COL26A1: variants seen among roughly 807,000 people sequenced by gnomAD.
COL26A1 encodes collagen alpha-1(XXVI) chain.
In COL26A1, 41 loss-of-function variants were observed where a neutral mutation model predicts 59.3. The ratio of observed to expected loss-of-function variants is 0.69; its 90% CI spans 0.54 to 0.90. COL26A1 has a LOEUF of 0.90. Among genes scored for constraint, COL26A1 ranks in the 40% least tolerant of loss-of-function variants. COL26A1 has a pLI of 0.00. For missense variants in COL26A1, 612 were observed against 602.3 expected, an observed-to-expected ratio of 1.02 and a Z score of -0.17; for synonymous variants, 266 against 256.0, an observed-to-expected ratio of 1.04 and a Z score of -0.37.
At position 101,455,666 on chromosome 7, in the gene COL26A1, CT is replaced by C. The variant is rs367612879; in HGVS notation, c.385+7880del. ...TACAGGTGTGCACCACCACCCCCAGCTAATTTATTATTTTTATTATTTTTAA... is the reference window on the plus strand; with the variant it reads ...TACAGGTGTGCACCACCACCCCCAGCAATTTATTATTTTTATTATTTTTAA... On this transcript the variant is annotated intron_variant, in intron 3 of 12. Transcript: ENST00000313669. Among the ~76,000 whole-genome samples, 22 of 151,670 alleles carry C rather than the reference CT, an allele frequency of 1.5e-4. No individual in the cohort carries two copies. The East Asian group carries it at 3.7e-3, about 25-fold the overall frequency.
intron 3 of COL26A1, among the ~76,000 whole-genome samples, chr7:101,459,915 C>T (rs1323036511): frequency 1.3e-5 from 2 of 152,092 alleles, no homozygotes; most frequent in Non-Finnish European, 2.9e-5. Context: ...TCTGCCCCGA[C>T]TCTAGCTCTG....
chr7:101,554,463 C>G (rs185715381), intron 11 of COL26A1, among the ~76,000 whole-genome samples: 203 of 151,688 alleles, frequency 1.3e-3, no homozygotes, highest in Middle Eastern at 3.4e-3. Context: ...TAACAGCAAC[C>G]TGCCTGGCCT....
At chr7:101,553,089 T>TA in intron 10 of COL26A1, 1 of 392,676 alleles carries the variant, frequency 2.5e-6, no homozygotes, top group South Asian at 6.3e-5. Flanking sequence ...ATGAAGCACT[T>TA]ACAGCCAACC....
At chr7:101,453,847 ATTAATTCCC>A (rs1793402753) in intron 3 of COL26A1, among the ~76,000 whole-genome samples, 1 of 152,178 alleles carries the variant, frequency 6.6e-6, no homozygotes, top group African/African-American at 2.4e-5. Flanking sequence ...GTCCCGCACC[ATTAATTCCC>A]TTTTGCGTCT....
In COL26A1 at chr7:101,520,664, C is replaced by CACACACACACA. The variant is rs1554341000; in HGVS notation, c.386-12418_386-12417insACACACACACA. On this transcript the variant is annotated intron_variant, in intron 3 of 12. Coordinates refer to ENST00000313669, the MANE Select transcript of COL26A1 (RefSeq NM_001278563.3). ...CACACACACACACACACACACACACCCCCGTGTTCTTGCATGTTTTTGCTC... is the reference window on the plus strand; with the variant it reads ...CACACACACACACACACACACACACCACACACACACACCCGTGTTCTTGCATGTTTTTGCTC... Among the ~76,000 whole-genome samples, 743 of 95,918 alleles carry CACACACACACA rather than the reference C, an allele frequency of 7.7e-3. 8 individuals carry two copies. Among genetic ancestry groups the CACACACACACA allele is most frequent in the South Asian group, 0.026 (92 of 3,516 alleles). The allele number at this position is 95,918 out of a possible 152,430, so 62.9% of individuals were successfully genotyped here. A position where few individuals can be genotyped will look rare whatever the true frequency, so the allele number is the denominator to read the frequency against.
At chr7:101,468,316 A>T (rs1275221272) in intron 3 of COL26A1, among the ~76,000 whole-genome samples, 1 of 151,870 alleles carries the variant, frequency 6.6e-6, no homozygotes, top group Non-Finnish European at 1.5e-5. Context: ...AAAAAAAAAT[A>T]AAAGAAATTA....
At chr7:101,373,365 T>C (rs1452441741) in intron 1 of COL26A1, among the ~76,000 whole-genome samples, 1 of 152,216 alleles carries the variant, frequency 6.6e-6, no homozygotes, top group Admixed American at 6.5e-5. Context: ...TGCAGCACTT[T>C]CTTGGTTTGC....
chr7:101,502,145 C>A (rs1327286710), intron 3 of COL26A1, among the ~76,000 whole-genome samples: 1 of 152,164 alleles, frequency 6.6e-6, no homozygotes, highest in African/African-American at 2.4e-5. Flanking sequence ...AGTTGAAGAC[C>A]AGCCTGGCCA....
At chr7:101,488,377 T>TATATATATATATAC (rs1396620345) in intron 3 of COL26A1, among the ~76,000 whole-genome samples, 4 of 45,898 alleles carry the variant, frequency 8.7e-5, no homozygotes, top group Admixed American at 3.7e-4. Flanking sequence ...TATATATATA[T>TATATATATATATAC]ACACACACAT....
chr7:101,454,971 G>T (rs1793433735), intron 3 of COL26A1, among the ~76,000 whole-genome samples: 1 of 151,772 alleles, frequency 6.6e-6, no homozygotes, highest in Non-Finnish European at 1.5e-5. Flanking sequence ...CATAAATTCT[G>T]TGAGCCAGCA....
At chr7:101,455,908 A>G (rs185090573) in intron 3 of COL26A1, among the ~76,000 whole-genome samples, 53 of 151,674 alleles carry the variant, frequency 3.5e-4, no homozygotes, top group African/African-American at 1.3e-3. Context: ...CTGGTCTCGA[A>G]CTCCTGACCT....
At chr7:101,418,579 C>T (rs1792433334) in intron 1 of COL26A1, among the ~76,000 whole-genome samples, 1 of 152,132 alleles carries the variant, frequency 6.6e-6, no homozygotes, top group Admixed American at 6.6e-5. Flanking sequence ...AGTGATACTC[C>T]TGCCTCAGCC....
At chr7:101,426,541 G>A (rs1424030167) in intron 2 of COL26A1, among the ~76,000 whole-genome samples, 2 of 152,254 alleles carry the variant, frequency 1.3e-5, no homozygotes, top group South Asian at 4.1e-4. Context: ...AGAGGAAGGG[G>A]ATGGGACACA....
At chr7:101,473,666 CA>C (rs762017960) in intron 3 of COL26A1, among the ~76,000 whole-genome samples, 2,739 of 141,732 alleles carry the variant, frequency 0.019, 36 homozygotes, top group Non-Finnish European at 0.031. Flanking sequence ...ACACACACAA[CA>C]AAAAACAAAA....
chr7:101,500,182 G>A (rs950152972), intron 3 of COL26A1, among the ~76,000 whole-genome samples: 28 of 152,204 alleles, frequency 1.8e-4, no homozygotes, highest in Non-Finnish European at 3.1e-4. Flanking sequence ...CTATTGCAAC[G>A]TCCCCGCCTC....
At chr7:101,438,205 T>C (rs1792963981) in intron 2 of COL26A1, among the ~76,000 whole-genome samples, 2 of 150,906 alleles carry the variant, frequency 1.3e-5, no homozygotes, top group South Asian at 4.2e-4. Flanking sequence ...CTACTAAAAA[T>C]ACAAAATTAG....
chr7:101,516,701 C>A (rs1042599075), intron 3 of COL26A1, among the ~76,000 whole-genome samples: 2 of 152,158 alleles, frequency 1.3e-5, no homozygotes, highest in Admixed American at 1.3e-4. Flanking sequence ...AAGGGCCAAA[C>A]AACTGAGGTT....
intron 3 of COL26A1, among the ~76,000 whole-genome samples, chr7:101,520,649 CA>C (rs1395006224): frequency 6.6e-6 from 1 of 151,088 alleles, no homozygotes; most frequent in African/African-American, 2.5e-5. Context: ...CACACACACA[CA>C]CACACACACA....
chr7:101,551,220 CGGGGGTTGGTGGG>C, intron 10 of COL26A1, 77 bp downstream of exon 10: 1 of 114,110 alleles, frequency 8.8e-6, no homozygotes, highest in Non-Finnish European at 1.4e-5. Flanking sequence ...CACTGGGTGG[CGGGGGTTGGTGGG>C]GGGGTTCAGC....
Sources: gnomAD v4.1 joint callset for allele counts (sites outside exome capture counted in the v4.1 genomes callset) on GRCh38, gnomAD v4.1.1 for gene constraint, MANE v1.5 for transcripts, NCBI Gene and HGNC (gene_info 2026-07-23, HGNC 2026-07-21) for gene names.